TOR1AIP2: variants seen among roughly 807,000 people sequenced by gnomAD.
The protein encoded by TOR1AIP2 is torsin-1A-interacting protein 2.
TOR1AIP2 carries 20 observed loss-of-function variants against 32.6 expected under a neutral mutation model. The observed-to-expected ratio is 0.61, with a 90% CI of 0.43 to 0.89. The LOEUF (loss-of-function observed/expected upper bound fraction) is 0.89, where lower values mean the gene tolerates loss of function less well. Among genes scored for constraint, TOR1AIP2 ranks in the 40% least tolerant of loss-of-function variants. The pLI, the probability that TOR1AIP2 is intolerant of heterozygous loss-of-function variation, is 0.00. For synonymous variants in TOR1AIP2, 214 were observed against 210.8 expected (o/e 1.02, Z -0.13); for missense variants, 456 against 553.8 (o/e 0.82, Z 1.77).
intron 4 of TOR1AIP2, 35 bp downstream of exon 4, chr1:179,852,597 A>G: frequency 6.2e-7 from 1 of 1,612,532 alleles, no homozygotes; most frequent in South Asian, 1.1e-5. Context: ...GGTTTCCTAC[A>G]GCAGCAACCT....
chr1:179,864,867 G>T (rs1232717251), intron 3 of TOR1AIP2: 1 of 1,613,952 alleles, frequency 6.2e-7, no homozygotes. Flanking sequence ...CCAGCTACTC[G>T]AGAGTCATGT....
intron 3 of TOR1AIP2, among the ~76,000 whole-genome samples, chr1:179,856,626 T>A (rs532524503): frequency 6.6e-6 from 1 of 152,086 alleles, no homozygotes; most frequent in African/African-American, 2.4e-5. Context: ...TCAATCTTTT[T>A]TTCCCCCCCA....
chr1:179,847,610 G>C lies in TOR1AIP2; in HGVS notation c.580C>G (p.Gln194Glu). Residue 194 changes from glutamine (Q) to glutamate (E), a missense_variant, in exon 6 of 7, where the codon CAA (glutamine) becomes GAA (glutamate). By Grantham distance (29) the Gln-to-Glu change is conservative (BLOSUM62 2). Transcript: ENST00000609928. ...TTCTCTTTAATTTCTTCCAATTTTT[G>C]TGTTTGTTGTGGATGACTTCCAGCC... ...PEAGSHPQQTQKLEEIKENAQ... is the reference protein window; with the variant it reads ...PEAGSHPQQTEKLEEIKENAQ... The C allele has an allele frequency of 6.2e-7, 1 of 1,613,762 alleles. No homozygotes were observed. The highest frequency in any genetic ancestry group is 8.5e-7 in the Non-Finnish European group (1 of 1,179,800).
chr1:179,852,641 G>T lies in TOR1AIP2; in HGVS notation c.25C>A (p.Pro9Thr), dbSNP rs758690735. The T allele has an allele frequency of 9.9e-6, 16 of 1,613,856 alleles. No homozygotes were observed. The East Asian group carries it at 3.1e-4, about 31-fold the overall frequency. The change falls in exon 4 of 7, where the codon CCT becomes ACT. Residue 9 changes from proline (P) to threonine (T), a missense_variant. Pro to Thr is a conservative substitution (Grantham distance 38). Transcript: ENST00000609928. The stretch of plus-strand genomic sequence containing the variant: ...GACAAATCAGTCTTACCCTCTTGAG[G>T]TTCCCTAAGTCCACTGTCGGCCATG... MADSGLREPQEDSQKDLEN... is the reference protein window; with the variant it reads MADSGLRETQEDSQKDLEN...
chr1:179,849,316 G>A (rs528331966), intron 5 of TOR1AIP2, among the ~76,000 whole-genome samples: 1 of 151,918 alleles, frequency 6.6e-6, no homozygotes, highest in East Asian at 1.9e-4. Context: ...CTGAAATTTC[G>A]GCTCACCACA....
intron 3 of TOR1AIP2, among the ~76,000 whole-genome samples, chr1:179,856,885 G>C (rs974689783): frequency 6.6e-6 from 1 of 152,168 alleles, no homozygotes; most frequent in Non-Finnish European, 1.5e-5. Flanking sequence ...AAGTGGTGGG[G>C]ATTACAGGCA....
At chr1:179,864,732 C>T in intron 3 of TOR1AIP2, 1 of 1,518,856 alleles carries the variant, frequency 6.6e-7, no homozygotes, top group Non-Finnish European at 8.8e-7. Flanking sequence ...CTTCCTTGGG[C>T]TACCTACACA....
intron 2 of TOR1AIP2, among the ~76,000 whole-genome samples, chr1:179,876,538 C>T (rs905657750): frequency 1.3e-5 from 2 of 152,176 alleles, no homozygotes; most frequent in Non-Finnish European, 2.9e-5. Flanking sequence ...TCAAACTATT[C>T]TAATCCACAC....
chr1:179,855,215 G>A (rs895972551), intron 3 of TOR1AIP2, among the ~76,000 whole-genome samples: 1 of 152,034 alleles, frequency 6.6e-6, no homozygotes, highest in Non-Finnish European at 1.5e-5. Flanking sequence ...ACACAAACCA[G>A]AAAGGAAAAT....
chr1:179,860,939 T>C (rs1473991041), intron 3 of TOR1AIP2: 11 of 985,404 alleles, frequency 1.1e-5, no homozygotes, highest in Non-Finnish European at 1.3e-5. Flanking sequence ...TGCCTTCCTG[T>C]TTGCCTGGGC....
chr1:179,872,374 T>G (rs1697043239), intron 2 of TOR1AIP2, among the ~76,000 whole-genome samples: 5 of 152,200 alleles, frequency 3.3e-5, no homozygotes, highest in Admixed American at 3.3e-4. Context: ...CAAGCTTAGG[T>G]ATTTCTATAA....
intron 3 of TOR1AIP2, chr1:179,863,900 T>C: frequency 1.0e-6 from 1 of 985,422 alleles, no homozygotes; most frequent in Non-Finnish European, 1.2e-6. Context: ...AAGTCCAGAA[T>C]GTGGCCAATG....
intron 2 of TOR1AIP2, among the ~76,000 whole-genome samples, chr1:179,872,953 T>C (rs80185705): frequency 0.032 from 4,847 of 152,336 alleles, 259 homozygotes; most frequent in African/African-American, 0.11. Context: ...TTCCATTATA[T>C]CCTTCATCTA....
intron 3 of TOR1AIP2, chr1:179,863,797 T>G: frequency 1.0e-6 from 1 of 985,118 alleles, no homozygotes; most frequent in Non-Finnish European, 1.2e-6. Context: ...GCATGTTAAG[T>G]GTAATTTAAA....
intron 3 of TOR1AIP2, among the ~76,000 whole-genome samples, chr1:179,856,727 G>A (rs749243661): frequency 7.2e-5 from 11 of 152,044 alleles, no homozygotes; most frequent in African/African-American, 2.2e-4. Flanking sequence ...AGCGATTCTC[G>A]TGCCTCAGCC....
chr1:179,863,677 CAAAAA>C (rs904854823), intron 3 of TOR1AIP2: 361 of 859,240 alleles, frequency 4.2e-4, no homozygotes, highest in East Asian at 5.2e-4. Context: ...TTTTAAAAAG[CAAAAA>C]AAAAAAAAAA....
chr1:179,858,261 GAT>G (rs1300194757), intron 3 of TOR1AIP2, among the ~76,000 whole-genome samples: 4 of 151,994 alleles, frequency 2.6e-5, no homozygotes, highest in Admixed American at 1.3e-4. Flanking sequence ...ACTACAGAGT[GAT>G]ATGTTACAGC....
At chr1:179,848,074 T>G (rs1695986425) in intron 5 of TOR1AIP2, among the ~76,000 whole-genome samples, 2 of 151,886 alleles carry the variant, frequency 1.3e-5, no homozygotes, top group Admixed American at 6.6e-5. Context: ...ATTTTTCCTG[T>G]CTTTTCTTTA....
Position 179,847,648 on chromosome 1 carries a change from A to C in TOR1AIP2, c.554-12T>G. On this transcript the variant is annotated splice_polypyrimidine_tract_variant and intron_variant, in intron 5 of 6. Transcript: ENST00000609928. Reference sequence around the variant, plus strand: ...ATGACTTCCAGCCTCTGGAGAGGAAAAGAATCAATATTATTTTTAGGCAGT... The same window carrying C: ...ATGACTTCCAGCCTCTGGAGAGGAACAGAATCAATATTATTTTTAGGCAGT... The C allele has an allele frequency of 1.3e-6, 2 of 1,540,236 alleles. No homozygotes were observed. The highest frequency in any genetic ancestry group is 1.1e-5 in the South Asian group (1 of 89,584).
Sources: allele counts gnomAD v4.1 joint callset (sites outside exome capture counted in the v4.1 genomes callset), GRCh38; gene constraint gnomAD v4.1.1; transcripts MANE v1.5; gene names NCBI Gene and HGNC (gene_info 2026-07-23, HGNC 2026-07-21).